The following ADSL variants were observed in gnomAD, a reference collection of about 807,000 sequenced individuals.
The protein encoded by ADSL is adenylosuccinase.
ADSL carries 44 observed loss-of-function variants against 62.1 expected under a neutral mutation model. That is an observed-to-expected ratio of 0.71 (90% confidence interval 0.56 to 0.91). The LOEUF (loss-of-function observed/expected upper bound fraction) is 0.91. ADSL is among the 40% of genes least tolerant of loss of function. The pLI is 0.00. For synonymous variants in ADSL, 198 were observed against 220.5 expected (o/e 0.90, Z 0.90); for missense variants, 531 against 627.4 (o/e 0.85, Z 1.64).
In ADSL at chr22:40,348,276, G is replaced by A. The variant is rs138034372; in HGVS notation, c.154-1556G>A. The A allele has an allele frequency of 1.4e-4, 55 of 397,010 alleles. No homozygotes were observed. In the East Asian group the frequency reaches 1.9e-3, roughly 14 times the overall value. The allele number at this position is 397,010 out of a possible 1,614,324, so 24.6% of individuals were successfully genotyped here. On this transcript the variant is annotated intron_variant, in intron 1 of 12. Transcript: ENST00000623063. ...GCTTTGCTTTGGAAGGAGCCCAGAG[G>A]TGTCATGTCTTCTGTGACTGTAAAG...
rs779079356 is a variant in ADSL at position 40,366,416 on chromosome 22, T to A, written c.1369-20T>A. 4 of 1,544,238 alleles carry A rather than the reference T, an allele frequency of 2.6e-6. No individual in the cohort carries two copies. In the South Asian group the frequency reaches 4.5e-5, roughly 17 times the overall value. Reference sequence around the variant, plus strand: ...TATCTTAACATTTTCTTTTGTCTTGTATTTGCTTTCCTCTGGCAGGTGCAG... The same window carrying A: ...TATCTTAACATTTTCTTTTGTCTTGAATTTGCTTTCCTCTGGCAGGTGCAG... On this transcript the variant is annotated intron_variant, in intron 12 of 12. Transcript: ENST00000623063.
At chr22:40,356,521 T>G (rs1361952549) in intron 4 of ADSL, among the ~76,000 whole-genome samples, 13 of 128,542 alleles carry the variant, frequency 1.0e-4, no homozygotes, top group African/African-American at 6.1e-5. Context: ...GGCGACAGAG[T>G]GAAATTCCGT....
chr22:40,386,969 C>G (rs1251055340), intron 2 of ADSL, among the ~76,000 whole-genome samples: 1 of 152,074 alleles, frequency 6.6e-6, no homozygotes, highest in Non-Finnish European at 1.5e-5. Flanking sequence ...TGTCTTAAAT[C>G]TGGCTGGCTC....
At chr22:40,382,676 C>T (rs973832388) in intron 2 of ADSL, among the ~76,000 whole-genome samples, 1 of 152,160 alleles carries the variant, frequency 6.6e-6, no homozygotes, top group Non-Finnish European at 1.5e-5. Flanking sequence ...GTGGATGGGA[C>T]GTAGACCCCA....
chr22:40,365,545 C>T (rs2044971063), intron 12 of ADSL, among the ~76,000 whole-genome samples: 1 of 151,996 alleles, frequency 6.6e-6, no homozygotes, highest in African/African-American at 2.4e-5. Flanking sequence ...AGTATGTGTT[C>T]AGGTACTGTA....
chr22:40,374,246 C>A (rs1453093827), downstream of ADSL, among the ~76,000 whole-genome samples: 1 of 152,122 alleles, frequency 6.6e-6, no homozygotes, highest in Non-Finnish European at 1.5e-5. Flanking sequence ...GCCACCGTGC[C>A]CAGCCAATAG....
At position 40,368,967 on chromosome 22, in the gene ADSL, C is replaced by T. The variant is rs1164830843; in HGVS notation, c.*2445C>T. ...AATCTTGAAAGGATACTAAGTCTGACACAAGGAAATTAAGTCATGGGACTC... is the reference window on the plus strand; with the variant it reads ...AATCTTGAAAGGATACTAAGTCTGATACAAGGAAATTAAGTCATGGGACTC... On this transcript the variant is annotated 3_prime_UTR_variant, in exon 13 of 13. Transcript: ENST00000623063. 6.6e-6 allele frequency: 1 copy of T among 152,156 alleles called. No homozygotes were observed. Among genetic ancestry groups the T allele is most frequent in the African/African-American group, 2.4e-5 (1 of 41,430 alleles). The allele number at this position is 152,156 out of a possible 1,614,324, so 9.4% of individuals were successfully genotyped here. A position where few individuals can be genotyped will look rare whatever the true frequency, so the allele number is the denominator to read the frequency against.
chr22:40,352,850 T>C (rs887061964), intron 2 of ADSL, among the ~76,000 whole-genome samples: 15 of 152,232 alleles, frequency 9.9e-5, no homozygotes, highest in Non-Finnish European at 2.9e-5. Flanking sequence ...ATAAAGGTTT[T>C]GTTCCTTACA....
chr22:40,359,052 C>T lies in ADSL; in HGVS notation c.654+17C>T. On this transcript the variant is annotated intron_variant, in intron 5 of 12. Transcript: ENST00000623063. Reference sequence around the variant, plus strand: ...GACCATAAGGTATTCTGAAAGTGACCTGCAGGACACAGAAACTCAATGGTG... The same window carrying T: ...GACCATAAGGTATTCTGAAAGTGACTTGCAGGACACAGAAACTCAATGGTG... The T allele has an allele frequency of 6.2e-7, 1 of 1,613,760 alleles. No homozygotes were observed. The highest frequency in any genetic ancestry group is 8.5e-7 in the Non-Finnish European group (1 of 1,179,860).
At chr22:40,347,814 A>G (rs570512076) in intron 1 of ADSL, among the ~76,000 whole-genome samples, 55 of 152,344 alleles carry the variant, frequency 3.6e-4, no homozygotes, top group African/African-American at 1.3e-3. Context: ...TTACAGATGG[A>G]AGAATGAAGC....
chr22:40,383,311 T>G (rs963778170), intron 2 of ADSL, among the ~76,000 whole-genome samples: 1 of 151,566 alleles, frequency 6.6e-6, no homozygotes, highest in Non-Finnish European at 1.5e-5. Flanking sequence ...ACTAAAAATA[T>G]AAAAAATTAG....
chr22:40,386,175 TC>T (rs1435097043), intron 2 of ADSL, among the ~76,000 whole-genome samples: 1 of 152,094 alleles, frequency 6.6e-6, no homozygotes, highest in Non-Finnish European at 1.5e-5. Context: ...CCACCACCTC[TC>T]CCAGCCAAGA....
chr22:40,347,339 G>A (rs915525755), intron 1 of ADSL: 3 of 152,478 alleles, frequency 2.0e-5, no homozygotes, highest in African/African-American at 7.2e-5. Context: ...TTGCCTCTTA[G>A]GAGAAGACTC....
At position 40,361,296 on chromosome 22, in the gene ADSL, G is replaced by A. The variant is rs1298698634; in HGVS notation, c.816G>A (p.Leu272=). 1 of 1,614,152 alleles carries A rather than the reference G, an allele frequency of 6.2e-7. No individual in the cohort carries two copies. Among genetic ancestry groups the A allele is most frequent in the Admixed American group, 1.7e-5 (1 of 60,018 alleles). ...AGATTTGCACCGACATACGCCTCCT[G>A]GCAAACCTCAAGGAGATGGAGGAAC... ...VHKICTDIRL[L]ANLKEMEEPF... Residue 272 remains leucine (L), a synonymous_variant, in exon 8 of 13, where the codon CTG becomes CTA. Coordinates refer to ENST00000623063, the MANE Select transcript of ADSL (RefSeq NM_000026.4).
rs770916318 is a variant in ADSL, at chr22:40,346,687, G to C, written c.129G>C (p.Trp43Cys). The C allele has an allele frequency of 1.9e-6, 3 of 1,610,920 alleles. No individual in the cohort carries two copies. The Admixed American group carries it at 5.0e-5, about 27-fold the overall frequency. Residue 43 changes from tryptophan (W) to cysteine (C), a missense_variant, in exon 1 of 13, where the codon TGG becomes TGC. By Grantham distance (215) the Trp-to-Cys change is radical. Transcript: ENST00000623063. ...RYKFRTWRQL[W>C]LWLAEAEQTL... The stretch of plus-strand genomic sequence containing the variant: ...AATTCCGGACATGGCGGCAGCTGTG[G>C]CTGTGGCTGGCGGAGGCCGAGCAGG...
chr22:40,358,839 TC>T, intron 4 of ADSL, 24 bp from the exon 5 acceptor site: 1 of 1,613,788 alleles, frequency 6.2e-7, no homozygotes, highest in South Asian at 1.1e-5. Context: ...TCTGAGACTT[TC>T]GTGTGTTCTC....
In ADSL at chr22:40,368,930, CAA is replaced by C. The variant is rs1384914493; in HGVS notation, c.*2411_*2412del. On this transcript the variant is annotated 3_prime_UTR_variant, in exon 13 of 13. Transcript: ENST00000623063. ...CGGAGCGAGACTCCATCTGAAAAAA[CAA>C]AACAGAAAAAATCTTGAAAGGATAC... The C allele has an allele frequency of 2.0e-5, 3 of 152,156 alleles. No homozygotes were observed. The highest frequency in any genetic ancestry group is 6.6e-5 in the Admixed American group (1 of 15,264). 9.4% of individuals were successfully genotyped at this position (152,156 alleles called of 1,614,324 possible).
chr22:40,351,337 AT>A (rs747604254), intron 2 of ADSL, among the ~76,000 whole-genome samples: 1 of 151,610 alleles, frequency 6.6e-6, no homozygotes, highest in African/African-American at 2.4e-5. Context: ...CGCCCAGCTA[AT>A]TTTTTTTATT....
rs1356087339 is a variant in ADSL at position 40,361,286 on chromosome 22, T to C, written c.806T>C (p.Ile269Thr). The C allele has an allele frequency of 1.2e-6, 2 of 1,614,000 alleles. No individual in the cohort carries two copies. Among genetic ancestry groups the C allele is most frequent in the Admixed American group, 1.7e-5 (1 of 59,992 alleles). ...TACCTCCCCCAGATTTGCACCGACATACGCCTCCTGGCAAACCTCAAGGAG... is the reference window on the plus strand; with the variant it reads ...TACCTCCCCCAGATTTGCACCGACACACGCCTCCTGGCAAACCTCAAGGAG... ...GASVHKICTD[I>T]RLLANLKEME... Residue 269 changes from isoleucine to threonine, a missense_variant, in exon 8 of 13, where the codon ATA becomes ACA. Coordinates refer to ENST00000623063, the MANE Select transcript of ADSL (RefSeq NM_000026.4).
Sources: allele counts gnomAD v4.1 joint callset (sites outside exome capture counted in the v4.1 genomes callset), GRCh38; gene constraint gnomAD v4.1.1; transcripts MANE v1.5; gene names NCBI Gene and HGNC (gene_info 2026-07-23, HGNC 2026-07-21).